The following FAM76B variants were observed in gnomAD, a reference collection of about 807,000 sequenced individuals.
FAM76B encodes the protein family with sequence similarity 76 member B.
A neutral mutation model predicts 51.8 loss-of-function variants in FAM76B; 16 were observed. That is an observed-to-expected ratio of 0.31 (90% CI 0.21 to 0.47). FAM76B has a LOEUF of 0.47. Among genes scored for constraint, FAM76B ranks in the 20% least tolerant of loss-of-function variants. FAM76B has a pLI of 1.00. For synonymous variants in FAM76B, 166 were observed against 129.5 expected, an observed-to-expected ratio of 1.28 and a Z score of -1.91; for missense variants, 342 against 392.6, an observed-to-expected ratio of 0.87 and a Z score of 1.09.
chr11:95,786,320 T>C, intron 3 of FAM76B, 46 bp from the exon 4 acceptor site: 1 of 1,606,150 alleles, frequency 6.2e-7, no homozygotes, highest in Admixed American at 1.7e-5. Flanking sequence ...ATTAAATATT[T>C]GCGGCATAGC....
intron 4 of FAM76B, 35 bp downstream of exon 4, chr11:95,786,084 T>C: frequency 6.3e-7 from 1 of 1,579,158 alleles, no homozygotes; most frequent in Non-Finnish European, 8.6e-7. Context: ...TTTTATTTAA[T>C]TTCCAGAAGA....
intron 5 of FAM76B, among the ~76,000 whole-genome samples, chr11:95,781,923 C>G (rs1445042908): frequency 6.6e-6 from 1 of 152,032 alleles, no homozygotes; most frequent in Non-Finnish European, 1.5e-5. Flanking sequence ...ACTAATTAGA[C>G]AGAACTACAT....
intron 9 of FAM76B, among the ~76,000 whole-genome samples, chr11:95,774,522 G>T (rs1200672538): frequency 6.6e-6 from 1 of 151,328 alleles, no homozygotes; most frequent in Non-Finnish European, 1.5e-5. Flanking sequence ...AGCACCTATT[G>T]CAGTTATTCT....
intron 8 of FAM76B, among the ~76,000 whole-genome samples, chr11:95,776,308 T>C (rs1591012125): frequency 6.6e-6 from 1 of 151,552 alleles, no homozygotes; most frequent in South Asian, 2.1e-4. Context: ...TGGCAACTGG[T>C]ATGCCAACGA....
intron 1 of FAM76B, 56 bp from the exon 2 acceptor site, chr11:95,788,619 T>C (rs1174644947): frequency 6.5e-7 from 1 of 1,538,630 alleles, no homozygotes; most frequent in South Asian, 1.1e-5. Flanking sequence ...AATCTCACTT[T>C]TCTGGTAGAA....
At chr11:95,777,390 C>A (rs969519993) in intron 8 of FAM76B, among the ~76,000 whole-genome samples, 1 of 151,128 alleles carries the variant, frequency 6.6e-6, no homozygotes, top group Non-Finnish European at 1.5e-5. Context: ...AAAGATAGTA[C>A]CTCTTATGCT....
chr11:95,785,551 G>A (rs952774177), intron 4 of FAM76B, among the ~76,000 whole-genome samples: 10 of 152,170 alleles, frequency 6.6e-5, no homozygotes, highest in Non-Finnish European at 7.3e-5. Context: ...TATGTACATT[G>A]CTGTGGGGAG....
In FAM76B at chr11:95,783,257, C is replaced by T. The variant is rs372491054; in HGVS notation, c.371G>A (p.Gly124Glu). Residue 124 changes from glycine to glutamate, a missense_variant, in exon 5 of 10, where the codon GGA becomes GAA. Coordinates refer to ENST00000358780, the MANE Select transcript of FAM76B (RefSeq NM_144664.5). ...AGTACAGAGCCAGCATAATAACTTT[C>T]CATCAACCTTTTAAGAAAATGTGTT... ...RKEEGRRKVD[G>E]KLLCWLCTLS... 218 of 1,610,984 alleles carry T rather than the reference C, an allele frequency of 1.4e-4. No individual in the cohort carries two copies. Among genetic ancestry groups the T allele is most frequent in the Non-Finnish European group, 1.8e-4 (209 of 1,179,176 alleles).
chr11:95,788,877 T>C, intron 1 of FAM76B: 1 of 1,372,206 alleles, frequency 7.3e-7, no homozygotes, highest in Non-Finnish European at 9.6e-7. Context: ...ACAGACAGCA[T>C]CCAGGCTTTA....
intron 9 of FAM76B, among the ~76,000 whole-genome samples, chr11:95,772,904 AT>A (rs1166528105): frequency 6.6e-6 from 1 of 151,162 alleles, no homozygotes; most frequent in Non-Finnish European, 1.5e-5. Context: ...AAATCAAATA[AT>A]TTTTTATGTT....
intron 7 of FAM76B, 104 bp from the exon 8 acceptor site, chr11:95,779,061 T>G: frequency 6.3e-7 from 1 of 1,592,670 alleles, no homozygotes; most frequent in Non-Finnish European, 8.5e-7. Context: ...TTAAGGCTAA[T>G]GCAAAAAAAT....
chr11:95,775,768 A>C, intron 9 of FAM76B, 154 bp downstream of exon 9: 1 of 442,220 alleles, frequency 2.3e-6, no homozygotes, highest in Non-Finnish European at 4.0e-6. Flanking sequence ...TTCTAATGAG[A>C]TCAAGATTAA....
intron 3 of FAM76B, 21 bp from the exon 4 acceptor site, chr11:95,786,295 G>A (rs1349262757): frequency 2.5e-6 from 4 of 1,612,154 alleles, no homozygotes; most frequent in South Asian, 2.2e-5. Context: ...TACACATTTT[G>A]AGACTTTTAA....
At chr11:95,774,027 GCTAA>G in intron 9 of FAM76B, among the ~76,000 whole-genome samples, 1 of 151,388 alleles carries the variant, frequency 6.6e-6, no homozygotes, top group Non-Finnish European at 1.5e-5. Context: ...TCACTTGGTT[GCTAA>G]AGGAAGTGAG....
chr11:95,788,619 T>A (rs1174644947), intron 1 of FAM76B, 56 bp from the exon 2 acceptor site: 25 of 1,538,628 alleles, frequency 1.6e-5, no homozygotes, highest in Non-Finnish European at 2.2e-5. Flanking sequence ...AATCTCACTT[T>A]TCTGGTAGAA....
At chr11:95,771,848 TC>T (rs1213109753) in intron 9 of FAM76B, among the ~76,000 whole-genome samples, 198 bp from the exon 10 acceptor site, 1 of 151,106 alleles carries the variant, frequency 6.6e-6, no homozygotes, top group East Asian at 1.9e-4. Flanking sequence ...GATTGGCTCA[TC>T]AGCCCCCTTT....
chr11:95,781,420 A>C (rs966686745), intron 5 of FAM76B, among the ~76,000 whole-genome samples: 2 of 152,314 alleles, frequency 1.3e-5, no homozygotes, highest in South Asian at 2.1e-4. Context: ...TTTGTATTTC[A>C]TAAGTAACCA....
Position 95,779,848 on chromosome 11 carries a change from A to C in FAM76B, c.611+31T>G, listed in dbSNP as rs1446984440. 3 of 1,591,802 alleles carry C rather than the reference A, an allele frequency of 1.9e-6. No homozygotes were observed. The East Asian group carries it at 6.8e-5, about 36-fold the overall frequency. ...TCACATTTATAAATATACATTTCAAAATACTTCAGAAAATACAGCAATGTA... is the reference window on the plus strand; with the variant it reads ...TCACATTTATAAATATACATTTCAACATACTTCAGAAAATACAGCAATGTA... On this transcript the variant is annotated intron_variant, in intron 6 of 9. Coordinates refer to ENST00000358780, the MANE Select transcript of FAM76B (RefSeq NM_144664.5).
rs1013548249 is a variant in FAM76B, at chr11:95,769,222, C to T, written c.*2339G>A. 1 of 152,320 alleles carries T rather than the reference C, an allele frequency of 6.6e-6. No individual in the cohort carries two copies. The highest frequency in any genetic ancestry group is 1.5e-5 in the Non-Finnish European group (1 of 67,864). 9.4% of individuals were successfully genotyped at this position (152,320 alleles called of 1,614,324 possible). ...AACAGGCTAAAAGCACAATACACCACACCATAGTATCTCCTTACAGGTCCA... is the reference window on the plus strand; with the variant it reads ...AACAGGCTAAAAGCACAATACACCATACCATAGTATCTCCTTACAGGTCCA... On this transcript the variant is annotated 3_prime_UTR_variant, in exon 10 of 10. Transcript: ENST00000358780.
Sources: gnomAD v4.1 joint callset for allele counts (sites outside exome capture counted in the v4.1 genomes callset) on GRCh38, gnomAD v4.1.1 for gene constraint, MANE v1.5 for transcripts, NCBI Gene and HGNC (gene_info 2026-07-23, HGNC 2026-07-21) for gene names.